RET: variants seen among roughly 807,000 people sequenced by gnomAD.
RET encodes ret proto-oncogene, also known as proto-oncogene tyrosine-protein kinase receptor Ret.
RET carries 19 observed loss-of-function variants against 118.3 expected under a neutral mutation model. The observed-to-expected ratio is 0.16, with a 90% CI of 0.11 to 0.24. The LOEUF (loss-of-function observed/expected upper bound fraction) is 0.24, where lower values mean the gene tolerates loss of function less well. RET is among the 10% of genes least tolerant of loss of function. The pLI, the probability that RET is intolerant of heterozygous loss-of-function variation, is 1.00. For synonymous variants in RET, 597 were observed against 644.1 expected, an observed-to-expected ratio of 0.93 and a Z score of 1.11; for missense variants, 1,219 against 1,502.1, an observed-to-expected ratio of 0.81 and a Z score of 3.12.
chr10:43,116,415 C>G (rs1220261322), intron 11 of RET, among the ~76,000 whole-genome samples, 169 bp from the exon 12 acceptor site: 1 of 152,212 alleles, frequency 6.6e-6, no homozygotes, highest in African/African-American at 2.4e-5. Context: ...GCTGTGGGGT[C>G]CTGCCCAGGG....
intron 8 of RET, among the ~76,000 whole-genome samples, 166 bp from the exon 9 acceptor site, chr10:43,112,687 G>A (rs1208333130): frequency 1.3e-5 from 2 of 152,192 alleles, no homozygotes; most frequent in African/African-American, 4.8e-5. Context: ...TCTCCCATAA[G>A]CCATGGCTCC....
chr10:43,096,312 A>G (rs1837522127), intron 1 of RET, among the ~76,000 whole-genome samples: 1 of 152,062 alleles, frequency 6.6e-6, no homozygotes, highest in Non-Finnish European at 1.5e-5. Flanking sequence ...CCAGCAGGGC[A>G]CTGGGCCTCC....
intron 1 of RET, among the ~76,000 whole-genome samples, chr10:43,088,808 T>C (rs2435342): frequency 0.43 from 65,933 of 152,040 alleles, 14,550 homozygotes; most frequent in South Asian, 0.59. Context: ...TTCTTCTTCT[T>C]CCTAAGTTCA....
intron 1 of RET, among the ~76,000 whole-genome samples, chr10:43,090,675 CTTA>C (rs1207140849): frequency 1.3e-5 from 2 of 152,018 alleles, no homozygotes; most frequent in Non-Finnish European, 2.9e-5. Flanking sequence ...TTATTTATTT[CTTA>C]TTATATTTAT....
At chr10:43,112,655 G>A (rs1384523172) in intron 8 of RET, among the ~76,000 whole-genome samples, 198 bp from the exon 9 acceptor site, 1 of 152,198 alleles carries the variant, frequency 6.6e-6, no homozygotes, top group East Asian at 1.9e-4. Context: ...GGCCACCTGT[G>A]TGAGGAACCC....
At chr10:43,126,884 T>C in intron 19 of RET, 162 bp downstream of exon 19, 9 of 1,449,154 alleles carry the variant, frequency 6.2e-6, no homozygotes. Context: ...CCAGTTTACA[T>C]TTAGGCATTA....
At chr10:43,087,983 G>C (rs557761320) in intron 1 of RET, among the ~76,000 whole-genome samples, 4 of 152,310 alleles carry the variant, frequency 2.6e-5, no homozygotes, top group African/African-American at 9.6e-5. Flanking sequence ...TCGTGATGAT[G>C]GTTGTGGTGG....
In RET at chr10:43,084,194, T is replaced by TA. The variant is rs529329060; in HGVS notation, c.73+6866dup. ...AATGCTGCCAGGGACATTCCTGTTA[T>TA]AAATACCTGAGTTCGTGCTTTCAGT... On this transcript the variant is annotated intron_variant, in intron 1 of 19. Transcript: ENST00000355710. Among the ~76,000 whole-genome samples the TA allele has an allele frequency of 2.6e-5, 4 of 152,390 alleles. No individual in the cohort carries two copies. In the South Asian group the frequency reaches 8.3e-4, roughly 32 times the overall value.
At chr10:43,127,147 A>C (rs1588881419) in intron 19 of RET, 26 of 1,113,444 alleles carry the variant, frequency 2.3e-5, no homozygotes, top group Non-Finnish European at 2.9e-5. Flanking sequence ...CTGCACTGGG[A>C]GCACAGCCAG....
Position 43,126,570 on chromosome 10 carries a change from T to C in RET, c.3040-5T>C, listed in dbSNP as rs1471254827. Reference sequence around the variant, plus strand: ...TTGGAGTGACCGGCCATCTCTGTCTTCCAGGACTACTTGGACCTTGCGGCG... The same window carrying C: ...TTGGAGTGACCGGCCATCTCTGTCTCCCAGGACTACTTGGACCTTGCGGCG... On this transcript the variant is annotated splice_polypyrimidine_tract_variant and splice_region_variant and intron_variant, in intron 18 of 19. Transcript: ENST00000355710. The C allele has an allele frequency of 6.2e-7, 1 of 1,613,678 alleles. No homozygotes were observed. Among genetic ancestry groups the C allele is most frequent in the Non-Finnish European group, 8.5e-7 (1 of 1,179,898 alleles).
intron 1 of RET, among the ~76,000 whole-genome samples, chr10:43,090,031 A>G (rs899802784): frequency 2.0e-5 from 3 of 152,330 alleles, no homozygotes; most frequent in Middle Eastern, 3.4e-3. Flanking sequence ...AGCGAGCACC[A>G]GGGCCCGGAG....
At chr10:43,102,885 G>C (rs1353588107) in intron 3 of RET, 2 of 573,570 alleles carry the variant, frequency 3.5e-6, no homozygotes, top group Admixed American at 3.0e-5. Flanking sequence ...GAGCGTCTGA[G>C]CATGCCAAGG....
At chr10:43,096,474 T>C (rs912467218) in intron 1 of RET, among the ~76,000 whole-genome samples, 2 of 152,004 alleles carry the variant, frequency 1.3e-5, no homozygotes, top group African/African-American at 4.8e-5. Context: ...ATATGTGAAA[T>C]GGGCAGTGAA....
At chr10:43,079,012 T>C (rs2132511241) in intron 1 of RET, among the ~76,000 whole-genome samples, 1 of 152,286 alleles carries the variant, frequency 6.6e-6, no homozygotes, top group Admixed American at 6.5e-5. Flanking sequence ...CGAGCCGCAC[T>C]CTTGGAGCTG....
At chr10:43,118,247 C>A in intron 12 of RET, 126 bp from the exon 13 acceptor site, 1 of 763,246 alleles carries the variant, frequency 1.3e-6, no homozygotes, top group Non-Finnish European at 2.3e-6. Context: ...CCTCAAGCAG[C>A]ATCGTCTTTG....
chr10:43,113,594 C>T lies in RET; in HGVS notation c.1798C>T (p.Arg600Trp), dbSNP rs745418960. 1.1e-5 allele frequency: 17 copies of T among 1,611,714 alleles called. No homozygotes were observed. The South Asian group carries it at 1.2e-4, about 12-fold the overall frequency. The stretch of plus-strand genomic sequence containing the variant: ...TGGGGGACACGAGCCTGGGGAGCCC[C>T]GGGGGATTAAAGCTGGCTATGGCAC... ...IVGGHEPGEP[R>W]GIKAGYGTCN... The change falls in exon 10 of 20, where the codon CGG becomes TGG. Residue 600 changes from arginine (R) to tryptophan (W), a missense_variant. Arg to Trp is a moderately radical substitution (Grantham distance 101). Transcript: ENST00000355710.
intron 3 of RET, chr10:43,102,984 C>T (rs1310744980): frequency 2.6e-6 from 1 of 389,146 alleles, no homozygotes; most frequent in Non-Finnish European, 4.9e-6. Context: ...GAGGAGACCT[C>T]CATTCCTCTA....
intron 1 of RET, among the ~76,000 whole-genome samples, chr10:43,084,928 C>T (rs1036853623): frequency 1.1e-4 from 17 of 152,172 alleles, no homozygotes; most frequent in South Asian, 4.1e-4. Flanking sequence ...GAACCAGGGC[C>T]GCCCTCTCTC....
chr10:43,124,805 T>A, intron 17 of RET, 78 bp from the exon 18 acceptor site: 1 of 1,361,098 alleles, frequency 7.3e-7, no homozygotes, highest in Non-Finnish European at 1.0e-6. Context: ...CAGGGCAGGG[T>A]GCGATGGCTG....
Sources: gnomAD v4.1 joint callset for allele counts (sites outside exome capture counted in the v4.1 genomes callset) on GRCh38, gnomAD v4.1.1 for gene constraint, MANE v1.5 for transcripts, NCBI Gene and HGNC (gene_info 2026-07-23, HGNC 2026-07-21) for gene names.